The following NIBAN2 variants were observed in gnomAD, a reference collection of about 807,000 sequenced individuals.
The protein encoded by NIBAN2 is niban apoptosis regulator 2.
NIBAN2 carries 36 observed loss-of-function variants against 81.8 expected under a neutral mutation model. That is an observed-to-expected ratio of 0.44 (90% CI 0.34 to 0.58). The LOEUF is 0.58. Ranked by LOEUF, NIBAN2 falls within the 20% of genes least tolerant of loss-of-function variation. NIBAN2 has a pLI of 0.02. For synonymous variants in NIBAN2, 445 were observed against 441.6 expected (o/e 1.01, Z -0.10); for missense variants, 897 against 1,014.1 (o/e 0.88, Z 1.57).
At chr9:127,553,573 T>C (rs1428328946) in intron 1 of NIBAN2, among the ~76,000 whole-genome samples, 1 of 152,212 alleles carries the variant, frequency 6.6e-6, no homozygotes, top group Non-Finnish European at 1.5e-5. Context: ...AGCAGAGAGC[T>C]GAGGTCATCA....
intron 1 of NIBAN2, among the ~76,000 whole-genome samples, chr9:127,550,720 T>C (rs1837560005): frequency 6.6e-6 from 1 of 152,190 alleles, no homozygotes; most frequent in Non-Finnish European, 1.5e-5. Flanking sequence ...AATCCCAGTA[T>C]GGCCCAAGAG....
At chr9:127,578,992 T>A, upstream of NIBAN2, 1 of 1,494,486 alleles carries the variant, frequency 6.7e-7, no homozygotes, top group Non-Finnish European at 9.2e-7. Context: ...AGTTCCTGAC[T>A]CCTAGCACGT....
intron 1 of NIBAN2, among the ~76,000 whole-genome samples, chr9:127,532,310 TAA>T (rs1837198883): frequency 6.6e-6 from 1 of 152,080 alleles, no homozygotes; most frequent in African/African-American, 2.4e-5. Context: ...CAGTAAAAAG[TAA>T]AAAGATGGAG....
chr9:127,575,527 T>TA (rs1837998590), intron 1 of NIBAN2, among the ~76,000 whole-genome samples: 2 of 5,934 alleles, frequency 3.4e-4, no homozygotes, highest in African/African-American at 2.0e-3. Context: ...TGCTGGGCCC[T>TA]TTTTTTTTTT....
intron 1 of NIBAN2, among the ~76,000 whole-genome samples, chr9:127,541,013 T>C (rs989520284): frequency 2.0e-5 from 3 of 152,108 alleles, no homozygotes; most frequent in Admixed American, 1.3e-4. Flanking sequence ...AGGTCCAGCA[T>C]GGGGAGGTGG....
chr9:127,577,574 T>C (rs1838024571), intron 1 of NIBAN2, among the ~76,000 whole-genome samples: 1 of 132,480 alleles, frequency 7.5e-6, no homozygotes, highest in Admixed American at 7.5e-5. Context: ...TCCCACACCA[T>C]CCTCCAGATC....
At chr9:127,541,545 G>C (rs532685848) in intron 1 of NIBAN2, among the ~76,000 whole-genome samples, 1 of 152,168 alleles carries the variant, frequency 6.6e-6, no homozygotes, top group Non-Finnish European at 1.5e-5. Flanking sequence ...TGGCCTCCAC[G>C]GGAAGGGCAG....
At chr9:127,525,580 C>T (rs1837048133) in intron 3 of NIBAN2, among the ~76,000 whole-genome samples, 1 of 152,156 alleles carries the variant, frequency 6.6e-6, no homozygotes, top group African/African-American at 2.4e-5. Flanking sequence ...ATCTGCAGTG[C>T]CTGGCACACC....
At chr9:127,513,238 A>G (rs1399691762) in intron 8 of NIBAN2, among the ~76,000 whole-genome samples, 1 of 152,142 alleles carries the variant, frequency 6.6e-6, no homozygotes, top group African/African-American at 2.4e-5. Flanking sequence ...ACAAGCAGAA[A>G]ACAAAGCAAT....
intron 1 of NIBAN2, among the ~76,000 whole-genome samples, chr9:127,577,727 T>C (rs1312027079): frequency 6.6e-6 from 1 of 152,170 alleles, no homozygotes; most frequent in Admixed American, 6.5e-5. Flanking sequence ...TGTTTGTTTG[T>C]TTCAGGGATA....
intron 1 of NIBAN2, among the ~76,000 whole-genome samples, chr9:127,534,573 G>A (rs886363968): frequency 6.6e-6 from 1 of 152,096 alleles, no homozygotes; most frequent in Non-Finnish European, 1.5e-5. Flanking sequence ...ACCTTCCTGG[G>A]TGTCTGCCCA....
rs1837087740 is a variant in NIBAN2 at position 127,527,213 on chromosome 9, A to C, written c.296T>G (p.Val99Gly). 1 of 1,613,540 alleles carries C rather than the reference A, an allele frequency of 6.2e-7. No individual in the cohort carries two copies. Among genetic ancestry groups the C allele is most frequent in the African/African-American group, 1.3e-5 (1 of 74,852 alleles). ...FSLVPHNYGL[V>G]LYENKAAYER... is the part of the protein sequence containing the mutation. ...CCTCACCGCTTTGTTTTCGTAGAGC[A>C]CCAGCCCGTAGTTGTGGGGCACGAG... Residue 99 changes from valine to glycine, a missense_variant, in exon 3 of 14, where the codon GTG (valine) becomes GGG (glycine). By Grantham distance (109) the Val-to-Gly change is moderately radical. This residue lies in a region of NIBAN2 where 209 missense variants were observed against 208.4 expected (regional missense o/e 1.00). Coordinates refer to ENST00000373312, the MANE Select transcript of NIBAN2 (RefSeq NM_022833.4).
chr9:127,508,870 C>T lies in NIBAN2; in HGVS notation c.1317+106G>A, dbSNP rs574224078. 3.2e-5 allele frequency: 41 copies of T among 1,291,786 alleles called. No homozygotes were observed. In the Admixed American group the frequency reaches 4.3e-4, roughly 13 times the overall value. The allele number at this position is 1,291,786 out of a possible 1,614,324, so 80.0% of individuals were successfully genotyped here. A position where few individuals can be genotyped will look rare whatever the true frequency, so the allele number is the denominator to read the frequency against. On this transcript the variant is annotated intron_variant, in intron 10 of 13. Coordinates refer to ENST00000373312, the MANE Select transcript of NIBAN2 (RefSeq NM_022833.4). The surrounding 1 kb of genome is among the most constrained non-coding windows in gnomAD (Gnocchi z 6.4). ...AGGAGGAGAGAGCGTGCCAGGCAAG[C>T]GTGGCTATGGCATGACGGGACGGAG...
intron 1 of NIBAN2, among the ~76,000 whole-genome samples, chr9:127,566,904 C>T (rs1208943539): frequency 1.3e-5 from 2 of 151,604 alleles, no homozygotes; most frequent in East Asian, 1.9e-4. Context: ...ACCCCACCCC[C>T]CCACATCAGG....
At chr9:127,532,932 C>T (rs1402732371) in intron 1 of NIBAN2, among the ~76,000 whole-genome samples, 1 of 151,844 alleles carries the variant, frequency 6.6e-6, no homozygotes, top group Non-Finnish European at 1.5e-5. Flanking sequence ...ACAAGGTAGA[C>T]AGATCACCTG....
At chr9:127,527,049 G>A (rs1837080628) in intron 3 of NIBAN2, 145 bp downstream of exon 3, 3 of 928,838 alleles carry the variant, frequency 3.2e-6, no homozygotes, top group Non-Finnish European at 5.0e-6. Context: ...TTGGGGGAGG[G>A]GAGGGGCTGA....
In NIBAN2 at chr9:127,508,393, G is replaced by T; in HGVS notation, c.1434+29C>A. 1 of 1,536,720 alleles carries T rather than the reference G, an allele frequency of 6.5e-7. No homozygotes were observed. The highest frequency in any genetic ancestry group is 8.9e-7 in the Non-Finnish European group (1 of 1,118,556). On this transcript the variant is annotated intron_variant, in intron 11 of 13. Transcript: ENST00000373312. This position sits in a 1 kb window ranked among gnomAD's most constrained non-coding sequence, Gnocchi z 6.4. Reference sequence around the variant, plus strand: ...CTCGGGGCTCGGCCTCGCCTAGGACGGTCCGGGGCAGGGCGTGGGGCCGCT... The same window carrying T: ...CTCGGGGCTCGGCCTCGCCTAGGACTGTCCGGGGCAGGGCGTGGGGCCGCT...
In NIBAN2 at chr9:127,529,075, T is replaced by C. The variant is rs149940702; in HGVS notation, c.187-1753A>G. On this transcript the variant is annotated intron_variant, in intron 2 of 13. Transcript: ENST00000373312. The stretch of plus-strand genomic sequence containing the variant: ...TTTCAAATGGCAGAGTCGTGTTCAA[T>C]TGGAAGGCCTGCAGGAAATGAAACA... Among the ~76,000 whole-genome samples, 35 of 152,066 alleles carry C rather than the reference T, an allele frequency of 2.3e-4. No homozygotes were observed. The East Asian group carries it at 3.9e-3, about 17-fold the overall frequency.
At chr9:127,531,391 G>A (rs917632046) in intron 2 of NIBAN2, among the ~76,000 whole-genome samples, 4 of 152,132 alleles carry the variant, frequency 2.6e-5, no homozygotes, top group Non-Finnish European at 5.9e-5. Flanking sequence ...GGCTGAGTCA[G>A]GAGAGTGCCT....
Sources: allele counts gnomAD v4.1 joint callset (sites outside exome capture counted in the v4.1 genomes callset), GRCh38; gene constraint gnomAD v4.1.1; regional missense constraint gnomAD v4.1.1; non-coding constraint Gnocchi (gnomAD v3.1); transcripts MANE v1.5; gene names NCBI Gene and HGNC (gene_info 2026-07-23, HGNC 2026-07-21).